Variants in CFAP74 observed in about 807,000 individuals in gnomAD.
CFAP74 encodes the protein cilia and flagella associated protein 74.
Under a neutral mutation model 188.9 loss-of-function variants are expected in CFAP74, and 124 were observed. That is an observed-to-expected ratio of 0.66 (90% CI 0.57 to 0.76). The LOEUF is 0.76. Ranked by LOEUF, CFAP74 falls within the 30% of genes least tolerant of loss-of-function variation. The pLI is 0.00. For synonymous variants in CFAP74, 956 were observed against 916.7 expected, an observed-to-expected ratio of 1.04 and a Z score of -0.77; for missense variants, 2,198 against 2,165.2, an observed-to-expected ratio of 1.02 and a Z score of -0.30.
At chr1:1,960,176 G>C (rs958318737) in intron 14 of CFAP74, 146 bp from the exon 15 acceptor site, 1 of 683,578 alleles carries the variant, frequency 1.5e-6, no homozygotes, top group Non-Finnish European at 2.5e-6. Flanking sequence ...TCACCCCGGG[G>C]AGTGCTGGAT....
chr1:1,944,334 G>A lies in CFAP74; in HGVS notation c.2483C>T (p.Thr828Met), dbSNP rs915707820. ...GCATGGACAGGAGGGGGCTCACCGC[G>A]TGTGCACGAGCACAGAGTCCTGGTA... ...RLYQDSVLVH[T>M]RSKAALRLKF... is the part of the protein sequence containing the mutation. Residue 828 changes from threonine to methionine, a missense_variant, in exon 21 of 39, where the codon ACG (threonine) becomes ATG (methionine). Transcript: ENST00000682832. 7.2e-6 allele frequency: 11 copies of A among 1,535,118 alleles called. No homozygotes were observed. The highest frequency in any genetic ancestry group is 1.4e-5 in the African/African-American group (1 of 73,020).
intron 1 of CFAP74, 72 bp from the exon 2 acceptor site, chr1:1,991,047 C>T: frequency 4.1e-6 from 4 of 977,048 alleles, no homozygotes; most frequent in Non-Finnish European, 6.1e-6. Context: ...AACCATTTCT[C>T]TTAAAGAAGG....
rs376236547 is a variant in CFAP74, at chr1:1,966,413, G to A, written c.1359C>T (p.Pro453=). The change falls in exon 12 of 39, where the codon CCC becomes CCT. Residue 453 remains proline (P), a synonymous_variant. Transcript: ENST00000682832. Reference sequence around the variant, plus strand: ...CTTCATTCCAAAGCCCAGAGATCTCGGGCTCAGCTAACGTTTCCTCCTCTG... The same window carrying A: ...CTTCATTCCAAAGCCCAGAGATCTCAGGCTCAGCTAACGTTTCCTCCTCTG... The part of the protein sequence containing the change: ...ASSEEETLAE[P]EISGLWNEDY... 156 of 1,600,136 alleles carry A rather than the reference G, an allele frequency of 9.7e-5. No individual in the cohort carries two copies. In the African/African-American group the frequency reaches 1.7e-3, roughly 18 times the overall value.
In CFAP74 at chr1:1,927,836, C is replaced by A. The variant is rs1445430855; in HGVS notation, c.3388-90G>T. The A allele has an allele frequency of 4.3e-6, 6 of 1,406,478 alleles. No homozygotes were observed. In the African/African-American group the frequency reaches 8.7e-5, roughly 20 times the overall value. The allele number at this position is 1,406,478 out of a possible 1,614,324, so 87.1% of individuals were successfully genotyped here. ...GGCTCCTCTGCGGCCAGTGCGGGAA[C>A]CGCGGGAGCCGCAGTTGGGATTGAA... On this transcript the variant is annotated intron_variant, in intron 27 of 38. Coordinates refer to ENST00000682832, the MANE Select transcript of CFAP74 (RefSeq NM_001304360.2).
At chr1:1,954,846 C>A in intron 18 of CFAP74, 2 of 1,149,444 alleles carry the variant, frequency 1.7e-6, no homozygotes, top group Non-Finnish European at 2.2e-6. Flanking sequence ...GTGATGCAGG[C>A]ATGAGCCCCA....
At chr1:1,955,489 G>GT (rs1654541059) in intron 18 of CFAP74, 1 of 1,596,314 alleles carries the variant, frequency 6.3e-7, no homozygotes. Flanking sequence ...TAGCGTCAAC[G>GT]TGAATGTACA....
intron 28 of CFAP74, chr1:1,927,360 G>A (rs1570818558): frequency 3.5e-6 from 2 of 574,484 alleles, no homozygotes; most frequent in African/African-American, 3.8e-5. Flanking sequence ...GGGCTGGGTG[G>A]GGGGTGGTGG....
Position 1,985,487 on chromosome 1 carries a change from G to A in CFAP74, c.399C>T (p.Ala133=), listed in dbSNP as rs368597015. ...ACACGGCCTGGAGGCGGCCCACAGC[G>A]GCCCTGCAGTGGTGAACGGACAGGC... ...IATEEEAGNM[A]AVGRLQAVSR... The change falls in exon 6 of 39, where the codon GCC becomes GCT. Residue 133 remains alanine (A), a synonymous_variant. Coordinates refer to ENST00000682832, the MANE Select transcript of CFAP74 (RefSeq NM_001304360.2). 3.5e-5 allele frequency: 56 copies of A among 1,613,254 alleles called. No homozygotes were observed. The highest frequency in any genetic ancestry group is 2.2e-4 in the Admixed American group (13 of 60,010).
chr1:1,930,414 G>A (rs1263078354), intron 25 of CFAP74, 78 bp from the exon 26 acceptor site: 2 of 1,396,678 alleles, frequency 1.4e-6, no homozygotes, highest in Non-Finnish European at 1.9e-6. Flanking sequence ...GGGCCACTGG[G>A]TGGAGGACAA....
chr1:1,925,047 CAAAGGCAT>C (rs1651754314), intron 33 of CFAP74, among the ~76,000 whole-genome samples: 1 of 130,884 alleles, frequency 7.6e-6, no homozygotes, highest in African/African-American at 3.0e-5. Context: ...CACACTGGTC[CAAAGGCAT>C]GAGGGCACAC....
intron 38 of CFAP74, 77 bp downstream of exon 38, chr1:1,922,512 G>C: frequency 6.4e-7 from 1 of 1,567,122 alleles, no homozygotes; most frequent in Non-Finnish European, 8.7e-7. Context: ...TCCTCCCCTG[G>C]GACTGGGCAG....
intron 2 of CFAP74, among the ~76,000 whole-genome samples, chr1:1,989,731 G>A (rs904231963): frequency 5.3e-5 from 8 of 152,228 alleles, no homozygotes; most frequent in African/African-American, 1.4e-4. Flanking sequence ...CAAGTGCTGG[G>A]ATGACAGGCG....
chr1:1,943,864 G>A (rs1176714729), intron 21 of CFAP74, among the ~76,000 whole-genome samples: 1 of 152,206 alleles, frequency 6.6e-6, no homozygotes, highest in Non-Finnish European at 1.5e-5. Flanking sequence ...TGGCTCTACG[G>A]GACAGGTTTC....
intron 4 of CFAP74, chr1:1,988,280 TG>T: frequency 3.1e-6 from 2 of 650,834 alleles, no homozygotes; most frequent in Non-Finnish European, 2.8e-6. Context: ...TGGGTGGCGC[TG>T]GGGGCAGCGG....
rs1367093059 is a variant in CFAP74 at position 1,940,507 on chromosome 1, C to T, written c.2616-104G>A. The T allele has an allele frequency of 1.8e-5, 14 of 788,532 alleles. 1 individual carries two copies. Among genetic ancestry groups the T allele is most frequent in the South Asian group, 9.3e-5 (5 of 53,946 alleles). 48.8% of individuals were successfully genotyped at this position (788,532 alleles called of 1,614,324 possible). On this transcript the variant is annotated intron_variant, in intron 22 of 38. Coordinates refer to ENST00000682832, the MANE Select transcript of CFAP74 (RefSeq NM_001304360.2). ...CTTCTACATCCCGTGAGAGCTACGGCGTCTCTGGAACATCAGCGCTGGGAG... is the reference window on the plus strand; with the variant it reads ...CTTCTACATCCCGTGAGAGCTACGGTGTCTCTGGAACATCAGCGCTGGGAG...
chr1:1,927,461 A>G (rs1352955583), intron 28 of CFAP74, 146 bp downstream of exon 28: 2 of 784,794 alleles, frequency 2.5e-6, no homozygotes, highest in Non-Finnish European at 4.0e-6. Context: ...CAGCACCTGG[A>G]TCCAGCTGTG....
At chr1:1,940,594 CG>C (rs1053490411) in intron 22 of CFAP74, among the ~76,000 whole-genome samples, 191 bp from the exon 23 acceptor site, 5 of 152,292 alleles carry the variant, frequency 3.3e-5, no homozygotes, top group African/African-American at 1.2e-4. Context: ...CCTGTGGCCC[CG>C]TGAGGGCTCT....
chr1:1,960,222 G>A, intron 14 of CFAP74, 192 bp from the exon 15 acceptor site: 1 of 587,040 alleles, frequency 1.7e-6, no homozygotes, highest in Admixed American at 3.7e-5. Flanking sequence ...TACCTGGCAG[G>A]CAGGGGGCGC....
At chr1:1,951,786 G>T (rs1209026484) in intron 18 of CFAP74, among the ~76,000 whole-genome samples, 1 of 152,182 alleles carries the variant, frequency 6.6e-6, no homozygotes, top group Non-Finnish European at 1.5e-5. Context: ...AAATCTGCTT[G>T]ATGGCCAGGT....
Sources: gnomAD v4.1 joint callset for allele counts (sites outside exome capture counted in the v4.1 genomes callset) on GRCh38, gnomAD v4.1.1 for gene constraint, MANE v1.5 for transcripts, NCBI Gene and HGNC (gene_info 2026-07-23, HGNC 2026-07-21) for gene names.